The following DEAF1 variants were observed in gnomAD, a reference collection of about 807,000 sequenced individuals.
The protein encoded by DEAF1 is DEAF1 transcription factor.
Under a neutral mutation model 58.9 loss-of-function variants are expected in DEAF1, and 53 were observed. The observed-to-expected ratio is 0.90, with a 90% CI of 0.72 to 1.13. The LOEUF (loss-of-function observed/expected upper bound fraction) is 1.13, where lower values mean the gene tolerates loss of function less well. Ranked by LOEUF, DEAF1 falls within the 50% of genes most tolerant of loss-of-function variation. The probability of loss-of-function intolerance (pLI) is 0.00; values close to 1 mark genes in which losing one functional copy is unlikely to be tolerated. For synonymous variants in DEAF1, 385 were observed against 340.4 expected, an observed-to-expected ratio of 1.13 and a Z score of -1.44; for missense variants, 685 against 791.4, an observed-to-expected ratio of 0.87 and a Z score of 1.61.
intron 1 of DEAF1, chr11:703,275 T>G: frequency 6.9e-7 from 1 of 1,445,424 alleles, no homozygotes; most frequent in East Asian, 2.5e-5. Context: ...TAGATGGTTT[T>G]GGATGGTTCC....
At chr11:687,062 T>A in intron 4 of DEAF1, 65 bp from the exon 5 acceptor site, 2 of 1,605,452 alleles carry the variant, frequency 1.2e-6, no homozygotes, top group Non-Finnish European at 8.5e-7. Context: ...ATTGCCTACC[T>A]CCTGGCGCCT....
At chr11:673,686 T>C (rs2133362294) in intron 10 of DEAF1, among the ~76,000 whole-genome samples, 1 of 152,276 alleles carries the variant, frequency 6.6e-6, no homozygotes, top group South Asian at 2.1e-4. Context: ...CCCTGTCCTT[T>C]CCTGTGGCCT....
At chr11:655,840 ATT>A (rs906763361) in intron 10 of DEAF1, among the ~76,000 whole-genome samples, 2 of 110,122 alleles carry the variant, frequency 1.8e-5, no homozygotes, top group Non-Finnish European at 4.3e-5. Context: ...TATTATTATT[ATT>A]ATTTTTTTGA....
intron 5 of DEAF1, among the ~76,000 whole-genome samples, chr11:686,291 CAA>C (rs780059988): frequency 1.2e-4 from 12 of 100,192 alleles, no homozygotes; most frequent in African/African-American, 4.0e-4. Context: ...GACTCTGTCT[CAA>C]AAAAAAAAAA....
chr11:693,042 T>G (rs1044872678), intron 1 of DEAF1, among the ~76,000 whole-genome samples: 1 of 152,188 alleles, frequency 6.6e-6, no homozygotes, highest in East Asian at 1.9e-4. Flanking sequence ...CGGCAGCGTG[T>G]CCTGCTGAGT....
At chr11:665,045 C>T (rs1859456672) in intron 10 of DEAF1, among the ~76,000 whole-genome samples, 1 of 42,672 alleles carries the variant, frequency 2.3e-5, no homozygotes, top group Non-Finnish European at 4.6e-5. Flanking sequence ...CTATTCACAC[C>T]GAGAGGAGGA....
Position 695,056 on chromosome 11 carries a change from C to T in DEAF1, c.-9G>A. On this transcript the variant is annotated 5_prime_UTR_variant, in exon 1 of 12. Transcript: ENST00000382409. ...GAGTCCGAGTCCTCCATCCGGACTC[C>T]GCCGAGCCTTCCCGAAGGCGCCGTC... is the stretch of plus-strand genomic sequence containing the variant. The T allele has an allele frequency of 6.9e-7, 1 of 1,440,686 alleles. No homozygotes were observed. The highest frequency in any genetic ancestry group is 3.2e-5 in the East Asian group (1 of 31,534). The allele number at this position is 1,440,686 out of a possible 1,614,324, so 89.2% of individuals were successfully genotyped here.
At chr11:682,589 T>G (rs1003027850) in intron 6 of DEAF1, among the ~76,000 whole-genome samples, 3 of 152,206 alleles carry the variant, frequency 2.0e-5, no homozygotes, top group Admixed American at 2.0e-4. Flanking sequence ...GCTGAATGTC[T>G]GAGCCCCTAC....
At chr11:675,897 T>C (rs1396063778) in intron 9 of DEAF1, among the ~76,000 whole-genome samples, 2 of 150,412 alleles carry the variant, frequency 1.3e-5, no homozygotes, top group African/African-American at 4.9e-5. Context: ...AACAAATCAC[T>C]GCCTGACATC....
intron 1 of DEAF1, among the ~76,000 whole-genome samples, chr11:694,257 G>A (rs10902194): frequency 0.19 from 28,134 of 150,356 alleles, 3,450 homozygotes; most frequent in African/African-American, 0.36. Flanking sequence ...GCAGGGCCAG[G>A]TCAGGTGAGG....
chr11:682,350 G>C (rs1023564401), intron 6 of DEAF1, among the ~76,000 whole-genome samples: 2 of 152,216 alleles, frequency 1.3e-5, no homozygotes, highest in African/African-American at 4.8e-5. Flanking sequence ...TTTCCCAGAT[G>C]GGTTCTTCGC....
At position 654,165 on chromosome 11, in the gene DEAF1, C is replaced by CTTTT. The variant is rs369963488; in HGVS notation, c.1504-118_1504-115dup. 4.1e-4 allele frequency: 169 copies of CTTTT among 411,274 alleles called. 1 individual carries two copies. The highest frequency in any genetic ancestry group is 7.2e-4 in the Middle Eastern group (1 of 1,396). The allele number at this position is 411,274 out of a possible 1,614,324, so 25.5% of individuals were successfully genotyped here. A position where few individuals can be genotyped will look rare whatever the true frequency, so the allele number is the denominator to read the frequency against. The stretch of plus-strand genomic sequence containing the variant: ...CCCCAAGTTCCCCCCATTGGACCCC[C>CTTTT]TTTTTTTTTTTTTTTTTTTTTGAGA... On this transcript the variant is annotated intron_variant, in intron 10 of 11. Coordinates refer to ENST00000382409, the MANE Select transcript of DEAF1 (RefSeq NM_021008.4).
At chr11:687,590 C>T (rs898477856) in intron 4 of DEAF1, among the ~76,000 whole-genome samples, 16 of 152,166 alleles carry the variant, frequency 1.1e-4, no homozygotes, top group East Asian at 1.9e-4. Flanking sequence ...CCTGGGTTCA[C>T]GCCATTCTCC....
intron 9 of DEAF1, among the ~76,000 whole-genome samples, chr11:675,719 C>G (rs529703591): frequency 3.3e-5 from 5 of 152,100 alleles, no homozygotes; most frequent in Non-Finnish European, 5.9e-5. Context: ...ACCTGGGAGG[C>G]TGAGGCATGA....
chr11:696,309 C>G (rs1180431994), upstream of DEAF1, among the ~76,000 whole-genome samples: 1 of 152,026 alleles, frequency 6.6e-6, no homozygotes. Context: ...GAGGAGCCGC[C>G]TTCTGCTGTC....
intron 11 of DEAF1, chr11:651,014 G>C (rs929070471): frequency 6.5e-6 from 1 of 152,896 alleles, no homozygotes; most frequent in African/African-American, 2.4e-5. Context: ...CCAGACTAGA[G>C]TGCAGTGGAG....
intron 10 of DEAF1, among the ~76,000 whole-genome samples, chr11:672,773 G>C (rs1421023269): frequency 6.6e-6 from 1 of 151,836 alleles, no homozygotes; most frequent in Non-Finnish European, 1.5e-5. Flanking sequence ...ACTTGAACCC[G>C]GGAGGAGGAA....
At chr11:693,008 G>A (rs955345238) in intron 1 of DEAF1, among the ~76,000 whole-genome samples, 6 of 152,238 alleles carry the variant, frequency 3.9e-5, no homozygotes, top group Non-Finnish European at 8.8e-5. Context: ...AGCCCTGGGA[G>A]CAGCCGCCCA....
At chr11:692,557 A>C (rs1309268314) in intron 1 of DEAF1, among the ~76,000 whole-genome samples, 1 of 152,148 alleles carries the variant, frequency 6.6e-6, no homozygotes, top group African/African-American at 2.4e-5. Flanking sequence ...ACTGCCCTAA[A>C]AATGCCTGTT....
Sources: gnomAD v4.1 joint callset for allele counts (sites outside exome capture counted in the v4.1 genomes callset) on GRCh38, gnomAD v4.1.1 for gene constraint, MANE v1.5 for transcripts, NCBI Gene and HGNC (gene_info 2026-07-23, HGNC 2026-07-21) for gene names.